The following TRPM3 variants were observed in gnomAD, a reference collection of about 807,000 sequenced individuals.
TRPM3 encodes the protein transient receptor potential cation channel subfamily M member 3.
In TRPM3, 77 loss-of-function variants were observed where a neutral mutation model predicts 181.2. The observed-to-expected ratio is 0.42, with a 90% CI of 0.35 to 0.51. The LOEUF (loss-of-function observed/expected upper bound fraction) is 0.51, where lower values mean the gene tolerates loss of function less well. Ranked by LOEUF, TRPM3 falls within the 20% of genes least tolerant of loss-of-function variation. The pLI is 0.01. For synonymous variants in TRPM3, 745 were observed against 796.4 expected (o/e 0.94, Z 1.09); for missense variants, 1,759 against 2,196.7 (o/e 0.80, Z 3.98).
intron 1 of TRPM3, among the ~76,000 whole-genome samples, chr9:71,366,280 T>C (rs1174289678): frequency 6.6e-6 from 1 of 152,186 alleles, no homozygotes; most frequent in Non-Finnish European, 1.5e-5. Context: ...CTACTACTGT[T>C]TCCTTGCAAG....
chr9:71,299,804 T>C (rs1266383280), intron 1 of TRPM3, among the ~76,000 whole-genome samples: 2 of 152,018 alleles, frequency 1.3e-5, no homozygotes, highest in African/African-American at 2.4e-5. Flanking sequence ...AACTGAAAAT[T>C]TGTGGGAAAA....
intron 1 of TRPM3, among the ~76,000 whole-genome samples, chr9:70,941,572 T>C (rs574646221): frequency 4.6e-5 from 7 of 152,302 alleles, no homozygotes; most frequent in African/African-American, 1.7e-4. Context: ...TATACATCTA[T>C]CCTATTAGTT....
At chr9:71,121,103 A>G in intron 1 of TRPM3, 75 bp downstream of exon 1, 1 of 1,484,496 alleles carries the variant, frequency 6.7e-7, no homozygotes, top group South Asian at 1.2e-5. Context: ...GGTGCGTCCC[A>G]GCCCAAGTCC....
At chr9:71,317,834 A>G (rs2088791147) in intron 1 of TRPM3, among the ~76,000 whole-genome samples, 1 of 152,182 alleles carries the variant, frequency 6.6e-6, no homozygotes. Flanking sequence ...ATTTATCTAA[A>G]TAAGCATTAA....
intron 1 of TRPM3, among the ~76,000 whole-genome samples, chr9:71,061,915 G>GGGAC (rs1177728758): frequency 3.3e-5 from 5 of 151,950 alleles, no homozygotes; most frequent in African/African-American, 9.7e-5. Context: ...AGGGGTAATG[G>GGGAC]GGACCCCTGA....
intron 1 of TRPM3, among the ~76,000 whole-genome samples, chr9:71,210,549 C>T (rs907386374): frequency 7.2e-5 from 11 of 152,102 alleles, no homozygotes; most frequent in Non-Finnish European, 7.4e-5. Context: ...CCTTCTGGTA[C>T]CCTTCCTTAC....
intron 1 of TRPM3, among the ~76,000 whole-genome samples, chr9:70,958,854 G>T (rs2133795654): frequency 6.6e-6 from 1 of 152,010 alleles, no homozygotes; most frequent in African/African-American, 2.4e-5. Context: ...CATGTCCTTT[G>T]TAGGGACATG....
chr9:71,271,086 ATGTT>A (rs955749613), intron 1 of TRPM3, among the ~76,000 whole-genome samples: 49 of 152,290 alleles, frequency 3.2e-4, no homozygotes, highest in African/African-American at 1.1e-3. Flanking sequence ...GATAGAATAA[ATGTT>A]TGTTTTTTAA....
intron 1 of TRPM3, among the ~76,000 whole-genome samples, chr9:71,256,334 CATT>C (rs2082670242): frequency 6.6e-6 from 1 of 152,212 alleles, no homozygotes; most frequent in South Asian, 2.1e-4. Context: ...GTGGTGTGTT[CATT>C]TACCACTAGA....
intron 1 of TRPM3, among the ~76,000 whole-genome samples, chr9:71,428,551 T>C (rs2093908457): frequency 6.6e-6 from 1 of 152,178 alleles, no homozygotes; most frequent in African/African-American, 2.4e-5. Context: ...GGACATGTGC[T>C]TTTTGTTATT....
chr9:71,220,707 A>G (rs914029218), intron 1 of TRPM3, among the ~76,000 whole-genome samples: 5 of 152,180 alleles, frequency 3.3e-5, no homozygotes, highest in African/African-American at 1.2e-4. Context: ...AATGGATTTA[A>G]TAACATAGCA....
chr9:70,883,308 A>G (rs1196992203), intron 1 of TRPM3, among the ~76,000 whole-genome samples: 1 of 152,160 alleles, frequency 6.6e-6, no homozygotes, highest in Non-Finnish European at 1.5e-5. Context: ...AACCAATTAT[A>G]ATCCCTTTTC....
At chr9:71,000,364 A>T (rs2097585629) in intron 1 of TRPM3, among the ~76,000 whole-genome samples, 1 of 152,222 alleles carries the variant, frequency 6.6e-6, no homozygotes, top group South Asian at 2.1e-4. Flanking sequence ...TTTCCAAAAT[A>T]CTGCTAAGTT....
intron 1 of TRPM3, among the ~76,000 whole-genome samples, chr9:71,004,803 A>G (rs2097655933): frequency 6.6e-6 from 1 of 152,174 alleles, no homozygotes; most frequent in African/African-American, 2.4e-5. Flanking sequence ...ATAAAAAGAA[A>G]TTCTAGAAAT....
chr9:71,439,183 A>G (rs1283610863), intron 1 of TRPM3, among the ~76,000 whole-genome samples: 5 of 152,330 alleles, frequency 3.3e-5, no homozygotes, highest in Admixed American at 6.5e-5. Flanking sequence ...TTTCTAAAGC[A>G]TTTTCAAAAC....
chr9:71,120,025 A>G (rs1368879330), intron 1 of TRPM3, among the ~76,000 whole-genome samples: 1 of 152,242 alleles, frequency 6.6e-6, no homozygotes, highest in Non-Finnish European at 1.5e-5. Flanking sequence ...AGGAAAACTC[A>G]GGCAAGGGGT....
chr9:70,620,606 T>C (rs1162004895), intron 15 of TRPM3, among the ~76,000 whole-genome samples: 1 of 152,210 alleles, frequency 6.6e-6, no homozygotes, highest in African/African-American at 2.4e-5. Context: ...AAAAAAATTA[T>C]TTTTTAATGG....
chr9:71,446,930 T>C, upstream of TRPM3: 2 of 1,278,894 alleles, frequency 1.6e-6, no homozygotes, highest in Non-Finnish European at 2.1e-6. Flanking sequence ...CGCGCGGCTC[T>C]CGGTTGGCGC....
At chr9:71,443,938 C>A (rs556295538) in intron 1 of TRPM3, among the ~76,000 whole-genome samples, 3 of 151,900 alleles carry the variant, frequency 2.0e-5, no homozygotes, top group African/African-American at 4.8e-5. Context: ...CCCAGCACTT[C>A]GGGAGGCCAA....
Sources: gnomAD v4.1 joint callset for allele counts (sites outside exome capture counted in the v4.1 genomes callset) on GRCh38, gnomAD v4.1.1 for gene constraint, MANE v1.5 for transcripts, NCBI Gene and HGNC (gene_info 2026-07-23, HGNC 2026-07-21) for gene names.